Variants in CEP128 observed in about 807,000 individuals in gnomAD.
The protein encoded by CEP128 is centrosomal protein 128, also known as centrosomal protein 128kDa.
A neutral mutation model predicts 156.7 loss-of-function variants in CEP128; 132 were observed. The observed-to-expected ratio is 0.84, with a 90% CI of 0.73 to 0.97. CEP128 has a LOEUF of 0.97. Ranked by LOEUF, CEP128 falls within the 50% of genes least tolerant of loss-of-function variation. The pLI is 0.00. For synonymous variants in CEP128, 469 were observed against 448.9 expected, an observed-to-expected ratio of 1.04 and a Z score of -0.57; for missense variants, 1,252 against 1,281.9, an observed-to-expected ratio of 0.98 and a Z score of 0.36.
chr14:80,678,433 C>T (rs942817997), intron 19 of CEP128, among the ~76,000 whole-genome samples: 9 of 151,934 alleles, frequency 5.9e-5, no homozygotes, highest in South Asian at 2.1e-4. Flanking sequence ...TTTCTCCCCC[C>T]ACAAAATGGC....
At chr14:80,953,834 C>T (rs761022927) in intron 2 of CEP128, among the ~76,000 whole-genome samples, 8 of 152,034 alleles carry the variant, frequency 5.3e-5, no homozygotes, top group Non-Finnish European at 1.2e-4. Flanking sequence ...TATGGTTTTG[C>T]CTTTTTGAGA....
chr14:80,939,687 G>C (rs916442458), intron 1 of CEP128, 147 bp from the exon 2 acceptor site: 31 of 152,320 alleles, frequency 2.0e-4, no homozygotes, highest in African/African-American at 7.5e-4. Flanking sequence ...AAAAGCCCAA[G>C]AGACCTCACT....
At chr14:80,652,544 A>C (rs1476149799) in intron 19 of CEP128, among the ~76,000 whole-genome samples, 1 of 152,182 alleles carries the variant, frequency 6.6e-6, no homozygotes, top group South Asian at 2.1e-4. Flanking sequence ...ATGAACAGAC[A>C]CTTCTCAAAA....
chr14:80,577,636 T>C (rs937633507), intron 20 of CEP128, among the ~76,000 whole-genome samples: 3 of 152,210 alleles, frequency 2.0e-5, no homozygotes, highest in African/African-American at 7.2e-5. Flanking sequence ...AAATGTCTGC[T>C]TAATTGGTCT....
At chr14:80,826,544 A>G (rs1480082064) in intron 13 of CEP128, among the ~76,000 whole-genome samples, 1 of 152,212 alleles carries the variant, frequency 6.6e-6, no homozygotes, top group African/African-American at 2.4e-5. Flanking sequence ...GCATGAATCA[A>G]GAGTTTATGG....
intron 19 of CEP128, among the ~76,000 whole-genome samples, chr14:80,595,140 G>T (rs763910284): frequency 6.6e-6 from 1 of 152,212 alleles, no homozygotes; most frequent in Non-Finnish European, 1.5e-5. Context: ...ATACTATGCA[G>T]CCATAAAAAG....
chr14:80,843,869 TA>T (rs1029766746), intron 9 of CEP128, among the ~76,000 whole-genome samples: 1 of 151,984 alleles, frequency 6.6e-6, no homozygotes, highest in African/African-American at 2.4e-5. Flanking sequence ...TGTCTATCTC[TA>T]AAATTCTTTT....
chr14:80,608,205 G>A (rs1892860166), intron 19 of CEP128, among the ~76,000 whole-genome samples: 1 of 152,142 alleles, frequency 6.6e-6, no homozygotes. Flanking sequence ...AGTACTTTTT[G>A]ACATGAAGAA....
chr14:80,785,524 A>ATCCTTTCTTTTAAAATCTT lies in CEP128; in HGVS notation c.1581_1582insAAGATTTTAAAAGAAAGGA (p.Leu528LysfsTer27). 1.2e-6 allele frequency: 2 copies of ATCCTTTCTTTTAAAATCTT among 1,608,002 alleles called. No homozygotes were observed. Among genetic ancestry groups the ATCCTTTCTTTTAAAATCTT allele is most frequent in the Non-Finnish European group, 1.7e-6 (2 of 1,177,630 alleles). On this transcript the variant is annotated frameshift_variant, in exon 15 of 25. Coordinates refer to ENST00000555265, the MANE Select transcript of CEP128 (RefSeq NM_152446.5). LOFTEE classifies it high-confidence loss of function. ...AATGCTGCATACAGCTGGGTTTTCA[A>ATCCTTTCTTTTAAAATCTT]TTCATCCTTTTCTTTTAAAATCTAT...
chr14:80,578,352 C>G (rs1167768671), intron 20 of CEP128, among the ~76,000 whole-genome samples: 2 of 151,950 alleles, frequency 1.3e-5, no homozygotes, highest in Non-Finnish European at 2.9e-5. Flanking sequence ...TAAAATACCC[C>G]CTACCCCTAA....
chr14:80,919,438 G>T (rs1884731952), intron 2 of CEP128, among the ~76,000 whole-genome samples: 1 of 151,836 alleles, frequency 6.6e-6, no homozygotes, highest in African/African-American at 2.4e-5. Context: ...AAAATATTTA[G>T]AACACTGTAA....
chr14:80,888,707 T>C (rs1448707338), intron 8 of CEP128, among the ~76,000 whole-genome samples: 1 of 152,168 alleles, frequency 6.6e-6, no homozygotes, highest in East Asian at 1.9e-4. Flanking sequence ...GCATTCCCTT[T>C]GAAAACCAGC....
At chr14:80,518,962 T>C (rs952450390) in intron 23 of CEP128, among the ~76,000 whole-genome samples, 1 of 152,214 alleles carries the variant, frequency 6.6e-6, no homozygotes, top group Non-Finnish European at 1.5e-5. Context: ...TGATAATTAA[T>C]TTGTGGAACT....
chr14:80,760,371 G>A (rs546645862), intron 17 of CEP128, among the ~76,000 whole-genome samples: 20 of 152,042 alleles, frequency 1.3e-4, no homozygotes, highest in African/African-American at 4.8e-4. Context: ...TTCTAAAAAT[G>A]TCTTGACTGC....
chr14:80,707,508 T>G (rs893245388), intron 19 of CEP128, among the ~76,000 whole-genome samples: 1 of 152,182 alleles, frequency 6.6e-6, no homozygotes, highest in Non-Finnish European at 1.5e-5. Context: ...ACTTTTTTCA[T>G]GGCAAATGGT....
At chr14:80,485,535 G>A, downstream of CEP128, among the ~76,000 whole-genome samples, 1 of 151,606 alleles carries the variant, frequency 6.6e-6, no homozygotes, top group East Asian at 1.9e-4. Context: ...TGAAGTATAT[G>A]CATACTGAAA....
Position 80,522,958 on chromosome 14 carries a change from T to C in CEP128, c.3072+3911A>G, listed in dbSNP as rs138810618. 8.7e-4 allele frequency among the ~76,000 whole-genome samples: 132 copies of C among 152,344 alleles called. 1 individual carries two copies. Among genetic ancestry groups the C allele is most frequent in the African/African-American group, 3.0e-3 (123 of 41,590 alleles). ...CAATATTACATTATGCTCTCACAAT[T>C]GTGGATGTTGGTCCTGCTCAAAATC... On this transcript the variant is annotated intron_variant, in intron 23 of 24. Coordinates refer to ENST00000555265, the MANE Select transcript of CEP128 (RefSeq NM_152446.5).
intron 12 of CEP128, among the ~76,000 whole-genome samples, chr14:80,833,697 TAGAAA>T (rs1885930465): frequency 6.6e-6 from 1 of 151,894 alleles, no homozygotes; most frequent in Non-Finnish European, 1.5e-5. Flanking sequence ...CCTTTAGTAA[TAGAAA>T]AGAAAATAGA....
At chr14:80,612,943 C>T (rs1893052361) in intron 19 of CEP128, among the ~76,000 whole-genome samples, 1 of 151,702 alleles carries the variant, frequency 6.6e-6, no homozygotes, top group African/African-American at 2.4e-5. Context: ...CGGGTTCAAG[C>T]AATTCTCCTG....
Sources: gnomAD v4.1 joint callset for allele counts (sites outside exome capture counted in the v4.1 genomes callset) on GRCh38, gnomAD v4.1.1 for gene constraint, MANE v1.5 for transcripts, NCBI Gene and HGNC (gene_info 2026-07-23, HGNC 2026-07-21) for gene names.